POLA1: variants seen among roughly 807,000 people sequenced by gnomAD.
POLA1 encodes the protein DNA polymerase alpha catalytic subunit.
Under a neutral mutation model 124.0 loss-of-function variants are expected in POLA1, and 15 were observed. The observed-to-expected ratio is 0.12, with a 90% CI of 0.08 to 0.19. The LOEUF (loss-of-function observed/expected upper bound fraction) is 0.19. Ranked by LOEUF, POLA1 falls within the 10% of genes least tolerant of loss-of-function variation. POLA1 has a pLI of 1.00. For missense variants in POLA1, 886 were observed against 1,103.4 expected (o/e 0.80, Z 2.79); for synonymous variants, 408 against 389.4 (o/e 1.05, Z -0.56).
chrX:24,993,135 A>C (rs1420076840), intron 36 of POLA1, among the ~76,000 whole-genome samples: 2 of 112,620 alleles, frequency 1.8e-5, no homozygotes, highest in Non-Finnish European at 3.7e-5. Context: ...TATTCTCAAG[A>C]AAAGTTTAAA....
intron 26 of POLA1, among the ~76,000 whole-genome samples, chrX:24,749,533 A>G (rs1395573745): frequency 9.0e-6 from 1 of 111,440 alleles, no homozygotes; most frequent in African/African-American, 3.3e-5. Flanking sequence ...ATGACTTAAG[A>G]GAGTTTTTTT....
chrX:24,791,377 G>C (rs1023756386), intron 26 of POLA1, among the ~76,000 whole-genome samples: 2 of 112,125 alleles, frequency 1.8e-5, no homozygotes, highest in Admixed American at 1.9e-4. Flanking sequence ...TTAAAGCCTT[G>C]ATTGTTTTTG....
At chrX:24,747,441 A>T (rs1037947585) in intron 24 of POLA1, among the ~76,000 whole-genome samples, 2 of 111,194 alleles carry the variant, frequency 1.8e-5, no homozygotes, top group African/African-American at 6.5e-5. Context: ...CTGAGATTAT[A>T]GGTGTGAGCC....
intron 36 of POLA1, among the ~76,000 whole-genome samples, chrX:24,934,675 T>C (rs368758464): frequency 9.8e-5 from 11 of 112,147 alleles, no homozygotes; most frequent in African/African-American, 3.6e-4. Context: ...TTTCCTCACA[T>C]TTCTGGAGGC....
chrX:24,739,379 G>A lies in POLA1; in HGVS notation c.2045G>A (p.Arg682Gln), dbSNP rs910915814. ...CTTTTTGTTCCCATCTTGTAGGGCC[G>A]GAGTGGATTTGGTGAAAGAAATGCT... The part of the protein sequence containing the change: ...KRSNMPKLGG[R>Q]SGFGERNATC... The change falls in exon 20 of 37, where the codon CGG becomes CAG. Residue 682 changes from arginine (R) to glutamine (Q), a missense_variant. This residue lies in a region of POLA1 where 182 missense variants were observed against 252.8 expected (regional missense o/e 0.72). Coordinates refer to ENST00000379068, the MANE Select transcript of POLA1 (RefSeq NM_001330360.2). 3.4e-6 allele frequency: 4 copies of A among 1,180,494 alleles called. No homozygotes were observed. Among genetic ancestry groups the A allele is most frequent in the Non-Finnish European group, 4.6e-6 (4 of 877,913 alleles).
chrX:24,959,888 T>TGTAATATATAATATAA (rs2048150481), intron 36 of POLA1, among the ~76,000 whole-genome samples: 1 of 111,630 alleles, frequency 9.0e-6, no homozygotes, highest in Admixed American at 9.5e-5. Flanking sequence ...TATTATTATA[T>TGTAATATATAATATAA]TTCTACTGGG....
intron 32 of POLA1, among the ~76,000 whole-genome samples, chrX:24,828,151 A>G (rs1478741481): frequency 2.7e-5 from 3 of 112,923 alleles, no homozygotes; most frequent in Admixed American, 9.3e-5. Flanking sequence ...ATAAATCCTC[A>G]GCTGGGAAGA....
intron 34 of POLA1, among the ~76,000 whole-genome samples, chrX:24,862,365 G>C (rs759665014): frequency 9.0e-6 from 1 of 111,518 alleles, no homozygotes; most frequent in South Asian, 3.8e-4. Context: ...CTAGAAACGT[G>C]GGGAAAAAGC....
At chrX:24,803,959 AAAG>A (rs2045759301) in intron 26 of POLA1, among the ~76,000 whole-genome samples, 2 of 106,857 alleles carry the variant, frequency 1.9e-5, no homozygotes, top group African/African-American at 6.8e-5. Context: ...AAAAAAAAAA[AAAG>A]CACGAATATT....
intron 28 of POLA1, among the ~76,000 whole-genome samples, chrX:24,811,614 C>T (rs1314527569): frequency 9.6e-6 from 1 of 104,659 alleles, no homozygotes; most frequent in Non-Finnish European, 2.0e-5. Flanking sequence ...CCTATTCCAG[C>T]TGTTTGTTTC....
At chrX:24,713,705 G>A (rs191836605) in intron 4 of POLA1, among the ~76,000 whole-genome samples, 3 of 112,505 alleles carry the variant, frequency 2.7e-5, no homozygotes, top group East Asian at 5.6e-4. Context: ...GTGAGCCACC[G>A]CACCCGGCCA....
At position 24,890,615 on chromosome X, in the gene POLA1, C is replaced by T. The variant is rs1006075680; in HGVS notation, c.4164+2493C>T. The stretch of plus-strand genomic sequence containing the variant: ...AAATTGCTTTCCTAATGGGCTTTCC[C>T]AACTTATACTGTATACCAGTACTTT... On this transcript the variant is annotated intron_variant, in intron 35 of 36. Coordinates refer to ENST00000379068, the MANE Select transcript of POLA1 (RefSeq NM_001330360.2). Among the ~76,000 whole-genome samples, 7 of 112,189 alleles carry T rather than the reference C, an allele frequency of 6.2e-5. No homozygotes were observed. The Admixed American group carries it at 6.6e-4, about 11-fold the overall frequency.
At chrX:24,895,301 C>T (rs944695306) in intron 35 of POLA1, among the ~76,000 whole-genome samples, 9 of 112,122 alleles carry the variant, frequency 8.0e-5, no homozygotes, top group Non-Finnish European at 1.1e-4. Context: ...TCCAGGATTG[C>T]TCTTGTGGCT....
At chrX:24,966,136 A>G (rs919343169) in intron 36 of POLA1, among the ~76,000 whole-genome samples, 3 of 111,921 alleles carry the variant, frequency 2.7e-5, no homozygotes, top group East Asian at 2.8e-4. Context: ...AAAACTAGCA[A>G]CTCTGCCTTA....
chrX:24,818,343 AT>A (rs1340130004), intron 30 of POLA1, among the ~76,000 whole-genome samples: 2 of 111,720 alleles, frequency 1.8e-5, no homozygotes, highest in Non-Finnish European at 3.8e-5. Context: ...AAGATAATGG[AT>A]TTCTTAAGTA....
chrX:24,732,119 T>G (rs1247142148), intron 15 of POLA1, among the ~76,000 whole-genome samples: 1 of 110,734 alleles, frequency 9.0e-6, no homozygotes, highest in Non-Finnish European at 1.9e-5. Context: ...CATGCCCAGC[T>G]AAGTACTGTA....
intron 34 of POLA1, among the ~76,000 whole-genome samples, chrX:24,877,906 T>G (rs1190260325): frequency 3.3e-4 from 8 of 24,401 alleles, no homozygotes; most frequent in Non-Finnish European, 4.4e-4. Flanking sequence ...AGGGAGGGAG[T>G]TTTTTTTTGT....
At chrX:24,966,646 C>T (rs963406918) in intron 36 of POLA1, among the ~76,000 whole-genome samples, 4 of 112,018 alleles carry the variant, frequency 3.6e-5, no homozygotes, top group African/African-American at 1.3e-4. Context: ...CATTTCTTCA[C>T]TCCTGCCCCA....
intron 34 of POLA1, among the ~76,000 whole-genome samples, chrX:24,859,490 G>A (rs2046689703): frequency 8.9e-6 from 1 of 112,224 alleles, no homozygotes; most frequent in Non-Finnish European, 1.9e-5. Context: ...AAATTCTTCT[G>A]CCTTCAGTGG....
Sources: allele counts gnomAD v4.1 joint callset (sites outside exome capture counted in the v4.1 genomes callset), GRCh38; gene constraint gnomAD v4.1.1; regional missense constraint gnomAD v4.1.1; transcripts MANE v1.5; gene names NCBI Gene and HGNC (gene_info 2026-07-23, HGNC 2026-07-21).